Variants in TENM3 observed in about 807,000 individuals in gnomAD.
TENM3 encodes the protein teneurin-3.
Under a neutral mutation model 255.1 loss-of-function variants are expected in TENM3, and 63 were observed. The ratio of observed to expected loss-of-function variants is 0.25; its 90% CI spans 0.20 to 0.30. The LOEUF (loss-of-function observed/expected upper bound fraction) is 0.30. Ranked by LOEUF, TENM3 falls within the 10% of genes least tolerant of loss-of-function variation. The pLI, the probability that TENM3 is intolerant of heterozygous loss-of-function variation, is 1.00. For synonymous variants in TENM3, 1,306 were observed against 1,322.3 expected (o/e 0.99, Z 0.27); for missense variants, 2,929 against 3,461.1 (o/e 0.85, Z 3.86).
chr4:181,883,720 G>A, the TENM3 span, among the ~76,000 whole-genome samples: 24 of 151,948 alleles, frequency 1.6e-4, no homozygotes, highest in African/African-American at 3.4e-4. Context: ...CTTGTGATCC[G>A]CCCGCCTCAG....
At chr4:182,446,363 G>T (rs948116877) in intron 3 of TENM3, among the ~76,000 whole-genome samples, 1 of 152,124 alleles carries the variant, frequency 6.6e-6, no homozygotes, top group Non-Finnish European at 1.5e-5. Flanking sequence ...CATTTTAAAT[G>T]GAAATTTTAA....
At chr4:182,421,402 C>G (rs1265670535) in intron 3 of TENM3, among the ~76,000 whole-genome samples, 1 of 152,172 alleles carries the variant, frequency 6.6e-6, no homozygotes, top group African/African-American at 2.4e-5. Context: ...ACTCTTTCCT[C>G]TAGATCAACG....
intron 1 of TENM3, among the ~76,000 whole-genome samples, chr4:182,287,417 G>T (rs556018492): frequency 6.6e-6 from 1 of 151,980 alleles, no homozygotes; most frequent in Non-Finnish European, 1.5e-5. Flanking sequence ...AGTTCCTTCC[G>T]CTTGAAATGC....
chr4:181,974,030 G>T, the TENM3 span, among the ~76,000 whole-genome samples: 4 of 152,056 alleles, frequency 2.6e-5, no homozygotes, highest in Non-Finnish European at 5.9e-5. Flanking sequence ...AAGGAAGGAA[G>T]CTTGGTCAGC....
chr4:181,540,512 C>T, the TENM3 span, among the ~76,000 whole-genome samples: 67 of 152,044 alleles, frequency 4.4e-4, 2 homozygotes, highest in African/African-American at 1.6e-3. Flanking sequence ...CGGTGGGGGA[C>T]CTCAACAAAC....
the TENM3 span, among the ~76,000 whole-genome samples, chr4:181,971,324 A>G: frequency 2.6e-4 from 40 of 152,318 alleles, no homozygotes; most frequent in East Asian, 7.7e-3. Context: ...TAGGCTCTCA[A>G]AAATATTTGT....
chr4:182,118,468 T>TG, the TENM3 span, among the ~76,000 whole-genome samples: 1 of 152,056 alleles, frequency 6.6e-6, no homozygotes, highest in African/African-American at 2.4e-5. Context: ...TTTTTAGAGA[T>TG]GGGGGTCTAG....
At chr4:182,018,157 T>C in the TENM3 span, among the ~76,000 whole-genome samples, 22 of 152,262 alleles carry the variant, frequency 1.4e-4, no homozygotes, top group East Asian at 2.5e-3. Flanking sequence ...AAGGGGATGA[T>C]TCTTTGGGTT....
At chr4:181,744,476 C>T in the TENM3 span, among the ~76,000 whole-genome samples, 1 of 152,174 alleles carries the variant, frequency 6.6e-6, no homozygotes, top group Non-Finnish European at 1.5e-5. Flanking sequence ...TTCTCTGCAA[C>T]CTCACCAGCA....
At chr4:182,507,045 A>C (rs993575075) in intron 3 of TENM3, among the ~76,000 whole-genome samples, 8 of 152,192 alleles carry the variant, frequency 5.3e-5, no homozygotes, top group Admixed American at 5.2e-4. Flanking sequence ...GCAAAAAAGT[A>C]GAGCTCTAAA....
the TENM3 span, among the ~76,000 whole-genome samples, chr4:181,794,367 C>T: frequency 1.3e-5 from 2 of 151,938 alleles, no homozygotes; most frequent in South Asian, 2.1e-4. Flanking sequence ...GTAGTCACCA[C>T]GCTGTGCATT....
chr4:181,930,201 C>A, the TENM3 span, among the ~76,000 whole-genome samples: 3 of 151,920 alleles, frequency 2.0e-5, no homozygotes, highest in African/African-American at 7.3e-5. Context: ...ACACGAAAAA[C>A]CATTCAAAAA....
At chr4:181,897,520 A>G in the TENM3 span, among the ~76,000 whole-genome samples, 1 of 152,240 alleles carries the variant, frequency 6.6e-6, no homozygotes, top group Non-Finnish European at 1.5e-5. Context: ...TGGCATTCTT[A>G]TGATACTGAC....
chr4:182,552,788 T>C (rs1742182941), intron 3 of TENM3, among the ~76,000 whole-genome samples: 1 of 152,206 alleles, frequency 6.6e-6, no homozygotes, highest in South Asian at 2.1e-4. Context: ...CAGGAGTTAT[T>C]TTAATATGAG....
chr4:182,771,282 G>T (rs952337414), intron 22 of TENM3, among the ~76,000 whole-genome samples: 2 of 152,174 alleles, frequency 1.3e-5, no homozygotes, highest in Non-Finnish European at 2.9e-5. Context: ...GGTCAAAAAA[G>T]GGCAGAGGAG....
intron 22 of TENM3, chr4:182,772,690 C>A (rs1182364568): frequency 6.6e-6 from 1 of 151,884 alleles, no homozygotes; most frequent in African/African-American, 2.4e-5. Flanking sequence ...CACAGAACAG[C>A]TTTTAAAATG....
the TENM3 span, among the ~76,000 whole-genome samples, chr4:181,672,867 C>T: frequency 6.6e-6 from 1 of 152,244 alleles, no homozygotes; most frequent in Non-Finnish European, 1.5e-5. Flanking sequence ...GTACTTTGCC[C>T]TTGTCATGGG....
At chr4:182,690,615 C>T (rs1204749487) in intron 12 of TENM3, among the ~76,000 whole-genome samples, 3 of 152,132 alleles carry the variant, frequency 2.0e-5, no homozygotes, top group Non-Finnish European at 1.5e-5. Flanking sequence ...ACAACAAACA[C>T]GTGTGTATAG....
intron 5 of TENM3, among the ~76,000 whole-genome samples, chr4:182,641,554 G>A (rs1163696905): frequency 6.7e-6 from 1 of 149,530 alleles, no homozygotes; most frequent in Non-Finnish European, 1.5e-5. Context: ...TTGAGACAGA[G>A]TCTTGCTCTG....
Sources: gnomAD v4.1 joint callset for allele counts (sites outside exome capture counted in the v4.1 genomes callset) on GRCh38, gnomAD v4.1.1 for gene constraint, MANE v1.5 for transcripts, NCBI Gene and HGNC (gene_info 2026-07-23, HGNC 2026-07-21) for gene names.